The following NFATC2 variants were observed in gnomAD, a reference collection of about 807,000 sequenced individuals.
NFATC2 encodes the protein nuclear factor of activated T-cells, cytoplasmic 2.
Under a neutral mutation model 87.3 loss-of-function variants are expected in NFATC2, and 22 were observed. The ratio of observed to expected loss-of-function variants is 0.25; its 90% CI spans 0.18 to 0.36. The LOEUF is 0.36. Among genes scored for constraint, NFATC2 ranks in the 10% least tolerant of loss-of-function variants. NFATC2 has a pLI of 1.00. For missense variants in NFATC2, 1,149 were observed against 1,259.1 expected, an observed-to-expected ratio of 0.91 and a Z score of 1.32; for synonymous variants, 565 against 542.2, an observed-to-expected ratio of 1.04 and a Z score of -0.58.
At chr20:51,553,018 C>A (rs936928627) in intron 1 of NFATC2, among the ~76,000 whole-genome samples, 19 of 151,852 alleles carry the variant, frequency 1.3e-4, no homozygotes, top group African/African-American at 3.9e-4. Flanking sequence ...TCCCTGTGTC[C>A]ATGTCGAACT....
At chr20:51,471,559 AC>A (rs1988201125) in intron 5 of NFATC2, among the ~76,000 whole-genome samples, 2 of 152,200 alleles carry the variant, frequency 1.3e-5, no homozygotes, top group Non-Finnish European at 2.9e-5. Context: ...AGACTGATCC[AC>A]GTCTTGACTC....
At chr20:51,429,928 C>T (rs546877273) in intron 9 of NFATC2, among the ~76,000 whole-genome samples, 45 of 152,042 alleles carry the variant, frequency 3.0e-4, no homozygotes, top group African/African-American at 9.4e-4. Flanking sequence ...CCCCTCACCA[C>T]GACTTTGAAC....
chr20:51,433,759 ATGTGTGTGTGTG>A (rs59775939), intron 8 of NFATC2, among the ~76,000 whole-genome samples: 3 of 145,994 alleles, frequency 2.1e-5, no homozygotes, highest in African/African-American at 5.2e-5. Flanking sequence ...TCATGCATGC[ATGTGTGTGTGTG>A]TGTGTGTGTG....
intron 10 of NFATC2, among the ~76,000 whole-genome samples, chr20:51,398,219 A>C (rs111332670): frequency 1.3e-5 from 2 of 152,208 alleles, no homozygotes; most frequent in Admixed American, 6.5e-5. Context: ...GGGCTTCCTC[A>C]GTGGCTTCTT....
At chr20:51,500,151 G>C (rs761969287) in intron 3 of NFATC2, among the ~76,000 whole-genome samples, 1 of 152,084 alleles carries the variant, frequency 6.6e-6, no homozygotes, top group South Asian at 2.1e-4. Flanking sequence ...GGTCTGGCAC[G>C]TAGGAATCCC....
intron 5 of NFATC2, among the ~76,000 whole-genome samples, chr20:51,455,623 G>A (rs1311064054): frequency 7.0e-6 from 1 of 142,482 alleles, no homozygotes; most frequent in African/African-American, 2.7e-5. Context: ...TAGCATATAA[G>A]CCCAGGAAGG....
At position 51,474,016 on chromosome 20, in the gene NFATC2, C is replaced by T. The variant is rs533808723; in HGVS notation, c.1672G>A (p.Val558Ile). ...VHIPESSGRIVSLQTASNPIE... is the reference protein window; with the variant it reads ...VHIPESSGRIISLQTASNPIE... ...GGGTTAGATGCAGTCTGTAAAGAGA[C>T]GATTCTGCCACTGGACTCTGGGATG... The change falls in exon 5 of 11, where the codon GTC becomes ATC. Residue 558 changes from valine to isoleucine, a missense_variant. This residue lies in a region of NFATC2 where 581 missense variants were observed against 649.7 expected (regional missense o/e 0.89). Transcript: ENST00000371564. The T allele has an allele frequency of 6.8e-6, 11 of 1,614,234 alleles. No homozygotes were observed. The East Asian group carries it at 8.9e-5, about 13-fold the overall frequency.
intron 3 of NFATC2, among the ~76,000 whole-genome samples, chr20:51,514,815 G>T (rs555974941): frequency 2.6e-5 from 4 of 152,212 alleles, no homozygotes; most frequent in Admixed American, 2.6e-4. Flanking sequence ...AGAGGTTGCA[G>T]TGAGCCAAGA....
intron 10 of NFATC2, among the ~76,000 whole-genome samples, chr20:51,391,663 C>T (rs726346): frequency 0.15 from 22,750 of 151,616 alleles, 1,744 homozygotes; most frequent in East Asian, 0.26. Context: ...TACAGGTGCA[C>T]GCCACCACAC....
chr20:51,541,545 G>A (rs1445057465), intron 1 of NFATC2, among the ~76,000 whole-genome samples: 1 of 152,178 alleles, frequency 6.6e-6, no homozygotes, highest in Non-Finnish European at 1.5e-5. Flanking sequence ...CCCAGCAACT[G>A]AGGGCAGTTG....
At chr20:51,403,095 C>G (rs530333807) in intron 9 of NFATC2, among the ~76,000 whole-genome samples, 118 of 152,338 alleles carry the variant, frequency 7.7e-4, no homozygotes, top group African/African-American at 2.8e-3. Context: ...AAGCGCACGT[C>G]CTGGAAGCAG....
intron 4 of NFATC2, among the ~76,000 whole-genome samples, chr20:51,474,833 T>C (rs1455730141): frequency 1.3e-5 from 2 of 152,210 alleles, no homozygotes; most frequent in Non-Finnish European, 2.9e-5. Flanking sequence ...CTCTGCATCA[T>C]CACTTAATGA....
In NFATC2 at chr20:51,562,479, A is replaced by G; in HGVS notation, c.70+81T>C. On this transcript the variant is annotated intron_variant, in intron 1 of 10. Coordinates refer to the NFATC2 transcript ENST00000414705. This position sits in a 1 kb window ranked among gnomAD's most constrained non-coding sequence, Gnocchi z 5.8. ...GCACCGACCTCTGCCGGGAGCTGAAAGTGCTGCCCGGGACGGGAGCAGCAG... is the reference window on the plus strand; with the variant it reads ...GCACCGACCTCTGCCGGGAGCTGAAGGTGCTGCCCGGGACGGGAGCAGCAG... 2 of 1,281,512 alleles carry G rather than the reference A, an allele frequency of 1.6e-6. No homozygotes were observed. Among genetic ancestry groups the G allele is most frequent in the South Asian group, 1.4e-5 (1 of 72,914 alleles). The allele number at this position is 1,281,512 out of a possible 1,614,324, so 79.4% of individuals were successfully genotyped here.
chr20:51,396,038 GTA>G (rs1161908517), intron 10 of NFATC2, among the ~76,000 whole-genome samples: 89 of 21,228 alleles, frequency 4.2e-3, no homozygotes, highest in South Asian at 7.0e-3. Flanking sequence ...CTCCTAGTAT[GTA>G]TATATATATA....
Position 51,387,323 on chromosome 20 carries a change from T to A in NFATC2, c.*4173A>T, listed in dbSNP as rs1985873199. ...AGCACCTGCTCTAATGGAAACAACA[T>A]CATTTGCATCCATTCCATTCAAAGC... is the stretch of plus-strand genomic sequence containing the variant. On this transcript the variant is annotated 3_prime_UTR_variant, in exon 11 of 11. Coordinates refer to ENST00000371564, the MANE Select transcript of NFATC2 (RefSeq NM_012340.5). The A allele has an allele frequency of 6.6e-6, 1 of 152,208 alleles. No homozygotes were observed. The highest frequency in any genetic ancestry group is 1.5e-5 in the Non-Finnish European group (1 of 68,052). The allele number at this position is 152,208 out of a possible 1,614,324, so 9.4% of individuals were successfully genotyped here. A position where few individuals can be genotyped will look rare whatever the true frequency, so the allele number is the denominator to read the frequency against.
intron 9 of NFATC2, among the ~76,000 whole-genome samples, chr20:51,412,966 ACCCCGGCCCCCCCAT>A (rs1979474306): frequency 6.6e-5 from 1 of 15,124 alleles, no homozygotes; most frequent in African/African-American, 3.0e-4. Context: ...CGCCCCACCG[ACCCCGGCCCCCCCAT>A]CCCCCGCTCC....
chr20:51,502,221 A>G (rs553036721), intron 3 of NFATC2, among the ~76,000 whole-genome samples: 4 of 152,306 alleles, frequency 2.6e-5, no homozygotes, highest in African/African-American at 9.6e-5. Context: ...TAAATACAAG[A>G]TAAGAGGAAA....
intron 1 of NFATC2, among the ~76,000 whole-genome samples, chr20:51,533,257 A>G (rs1475327102): frequency 6.6e-6 from 1 of 152,238 alleles, no homozygotes; most frequent in Non-Finnish European, 1.5e-5. Flanking sequence ...GCAGGTGTGC[A>G]CAACCTAGAG....
At chr20:51,397,523 C>G (rs763802495) in intron 10 of NFATC2, among the ~76,000 whole-genome samples, 1 of 152,186 alleles carries the variant, frequency 6.6e-6, no homozygotes, top group East Asian at 1.9e-4. Context: ...CATCGCCCTT[C>G]GACAAGTTCC....
Sources: allele counts gnomAD v4.1 joint callset (sites outside exome capture counted in the v4.1 genomes callset), GRCh38; gene constraint gnomAD v4.1.1; regional missense constraint gnomAD v4.1.1; non-coding constraint Gnocchi (gnomAD v3.1); transcripts MANE v1.5; gene names NCBI Gene and HGNC (gene_info 2026-07-23, HGNC 2026-07-21).